KLHL29: variants seen among roughly 807,000 people sequenced by gnomAD.
KLHL29 encodes the protein kelch-like protein 29.
KLHL29 carries 21 observed loss-of-function variants against 80.4 expected under a neutral mutation model. The ratio of observed to expected loss-of-function variants is 0.26; its 90% CI spans 0.19 to 0.38. The LOEUF is 0.38. Ranked by LOEUF, KLHL29 falls within the 10% of genes least tolerant of loss-of-function variation. The probability of loss-of-function intolerance (pLI) is 1.00; values close to 1 mark genes in which losing one functional copy is unlikely to be tolerated. For missense variants in KLHL29, 867 were observed against 1,223.9 expected (o/e 0.71, Z 4.35); for synonymous variants, 511 against 526.8 (o/e 0.97, Z 0.41).
At chr2:23,572,332 C>A (rs1267401982) in intron 3 of KLHL29, among the ~76,000 whole-genome samples, 1 of 152,248 alleles carries the variant, frequency 6.6e-6, no homozygotes, top group African/African-American at 2.4e-5. Context: ...CATCCTACAA[C>A]TGAGAGCCTA....
intron 5 of KLHL29, among the ~76,000 whole-genome samples, chr2:23,677,251 T>C (rs1336273295): frequency 6.6e-6 from 1 of 152,202 alleles, no homozygotes; most frequent in Non-Finnish European, 1.5e-5. Flanking sequence ...TGAGGCCAGA[T>C]ATCACTGCTC....
chr2:23,628,333 G>A (rs1005613851), intron 3 of KLHL29, among the ~76,000 whole-genome samples: 13 of 151,238 alleles, frequency 8.6e-5, no homozygotes, highest in Non-Finnish European at 1.6e-4. Flanking sequence ...CACACAGGAC[G>A]GCTTAGTTAA....
At chr2:23,412,122 A>AAGG (rs1553319908) in intron 1 of KLHL29, among the ~76,000 whole-genome samples, 2 of 118,716 alleles carry the variant, frequency 1.7e-5, no homozygotes, top group African/African-American at 6.7e-5. Flanking sequence ...GTGTGCGTGA[A>AAGG]GGGGGGGGGG....
At chr2:23,663,764 A>G (rs887621295) in intron 5 of KLHL29, among the ~76,000 whole-genome samples, 37 of 152,256 alleles carry the variant, frequency 2.4e-4, no homozygotes, top group African/African-American at 8.9e-4. Flanking sequence ...ATTTATGGAA[A>G]GAACAGATTA....
chr2:23,656,192 G>C (rs1424283824), intron 5 of KLHL29, among the ~76,000 whole-genome samples: 1 of 152,236 alleles, frequency 6.6e-6, no homozygotes, highest in African/African-American at 2.4e-5. Context: ...ACTATTTTGG[G>C]GCCGGAAAAG....
At chr2:23,508,695 T>G (rs773567195) in intron 2 of KLHL29, among the ~76,000 whole-genome samples, 1 of 152,238 alleles carries the variant, frequency 6.6e-6, no homozygotes, top group Non-Finnish European at 1.5e-5. Context: ...CTTGATAAAA[T>G]GCCTGTGTGT....
At chr2:23,481,329 A>G (rs1341096971) in intron 2 of KLHL29, among the ~76,000 whole-genome samples, 1 of 152,202 alleles carries the variant, frequency 6.6e-6, no homozygotes, top group Non-Finnish European at 1.5e-5. Context: ...TCCTGCTCCT[A>G]CACTTGTGAT....
Position 23,596,153 on chromosome 2 carries a change from G to A in KLHL29, c.285+33672G>A, listed in dbSNP as rs1006040879. ...GAGCCGCATACAATAGAGCACCCTC[G>A]GCAGCCAGCCGGACGGGCAGGCCGG... is the stretch of plus-strand genomic sequence containing the variant. On this transcript the variant is annotated intron_variant, in intron 3 of 13. Transcript: ENST00000486442. This position sits in a 1 kb window ranked among gnomAD's most constrained non-coding sequence, Gnocchi z 4.4. Among the ~76,000 whole-genome samples the A allele has an allele frequency of 3.3e-5, 5 of 152,184 alleles. No individual in the cohort carries two copies. Among genetic ancestry groups the A allele is most frequent in the Non-Finnish European group, 2.9e-5 (2 of 68,030 alleles).
intron 1 of KLHL29, among the ~76,000 whole-genome samples, chr2:23,470,142 A>C (rs374466539): frequency 6.6e-6 from 1 of 152,180 alleles, no homozygotes; most frequent in East Asian, 1.9e-4. Flanking sequence ...TGAACACCTC[A>C]TTTTCTTTAT....
chr2:23,671,368 C>T (rs1364210696), intron 5 of KLHL29, among the ~76,000 whole-genome samples: 1 of 151,986 alleles, frequency 6.6e-6, no homozygotes, highest in Non-Finnish European at 1.5e-5. Context: ...TGAGCCGGCC[C>T]GTCACCTGCT....
Position 23,642,350 on chromosome 2 carries a change from G to C in KLHL29, c.440G>C (p.Trp147Ser), listed in dbSNP as rs748639101. ...ATCTCCCTTGCAGGCACAGGGCCAT[G>C]GGTGACCACGGTGGCCGCCGGGAAC... ...RESDNPGTGP[W>S]VTTVAAGNQP... Residue 147 changes from tryptophan (W) to serine (S), a missense_variant, in exon 5 of 14, where the codon TGG (tryptophan) becomes TCG (serine). Coordinates refer to ENST00000486442, the MANE Select transcript of KLHL29 (RefSeq NM_052920.2). 7 of 1,434,710 alleles carry C rather than the reference G, an allele frequency of 4.9e-6. No homozygotes were observed. The highest frequency in any genetic ancestry group is 2.9e-5 in the African/African-American group (2 of 69,490). 88.9% of individuals were successfully genotyped at this position (1,434,710 alleles called of 1,614,324 possible). A position where few individuals can be genotyped will look rare whatever the true frequency, so the allele number is the denominator to read the frequency against.
intron 3 of KLHL29, among the ~76,000 whole-genome samples, chr2:23,597,695 G>A (rs1378236142): frequency 1.3e-5 from 2 of 151,940 alleles, no homozygotes; most frequent in African/African-American, 4.8e-5. Context: ...AAAGTGCTGG[G>A]ATTACAGGCA....
At chr2:23,391,148 A>G (rs1666313718) in intron 1 of KLHL29, among the ~76,000 whole-genome samples, 1 of 152,204 alleles carries the variant, frequency 6.6e-6, no homozygotes. Context: ...GAATCATGCC[A>G]CATTCATCCT....
intron 3 of KLHL29, among the ~76,000 whole-genome samples, chr2:23,621,132 G>A (rs1170414186): frequency 6.6e-6 from 1 of 152,214 alleles, no homozygotes; most frequent in Non-Finnish European, 1.5e-5. Context: ...CTGTGAAGAG[G>A]GCTGGTCTTG....
rs1411485828 is a variant in KLHL29, at chr2:23,607,597, G to C, written c.286-31542G>C. Among the ~76,000 whole-genome samples the C allele has an allele frequency of 3.3e-5, 5 of 152,198 alleles. No individual in the cohort carries two copies. The East Asian group carries it at 9.6e-4, about 29-fold the overall frequency. On this transcript the variant is annotated intron_variant, in intron 3 of 13. Transcript: ENST00000486442. ...ACCCCCACAAACCAGTACAGTCCAT[G>C]GCCTGTTAGGAAACAGGTGCACAGC...
chr2:23,568,535 T>C (rs978904962), intron 3 of KLHL29, among the ~76,000 whole-genome samples: 7 of 152,192 alleles, frequency 4.6e-5, no homozygotes, highest in Non-Finnish European at 8.8e-5. Flanking sequence ...CTCAGGCTTA[T>C]TCACCTGGTG....
chr2:23,530,570 C>T (rs775510242), intron 2 of KLHL29, among the ~76,000 whole-genome samples: 7 of 152,226 alleles, frequency 4.6e-5, no homozygotes, highest in Admixed American at 2.6e-4. Context: ...CTGCACAACC[C>T]GCGCCTCCTG....
intron 3 of KLHL29, among the ~76,000 whole-genome samples, chr2:23,629,103 C>T (rs758761448): frequency 2.0e-5 from 3 of 152,212 alleles, no homozygotes; most frequent in East Asian, 3.9e-4. Context: ...CAGGACGGGC[C>T]GCTACAAGGA....
Position 23,684,820 on chromosome 2 carries a change from CCT to C in KLHL29, c.1079+284_1079+285del, listed in dbSNP as rs142573820. ...GCAGTAGACAACACCGTGCCCCACCCCTGAGATCCCAGGTTCTCAGTGGCTCA... is the reference window on the plus strand; with the variant it reads ...GCAGTAGACAACACCGTGCCCCACCCGAGATCCCAGGTTCTCAGTGGCTCA... On this transcript the variant is annotated intron_variant, in intron 6 of 13. Coordinates refer to ENST00000486442, the MANE Select transcript of KLHL29 (RefSeq NM_052920.2). The surrounding 1 kb of genome is among the most constrained non-coding windows in gnomAD (Gnocchi z 4.4). 0.014 allele frequency among the ~76,000 whole-genome samples: 2,081 copies of C among 152,280 alleles called. 22 individuals carry two copies. The highest frequency in any genetic ancestry group is 0.027 in the Middle Eastern group (8 of 294).
Sources: allele counts gnomAD v4.1 joint callset (sites outside exome capture counted in the v4.1 genomes callset), GRCh38; gene constraint gnomAD v4.1.1; non-coding constraint Gnocchi (gnomAD v3.1); transcripts MANE v1.5; gene names NCBI Gene and HGNC (gene_info 2026-07-23, HGNC 2026-07-21).